The following PRKAG2 variants were observed in gnomAD, a reference collection of about 807,000 sequenced individuals.
PRKAG2 encodes the protein protein kinase AMP-activated non-catalytic subunit gamma 2.
Under a neutral mutation model 69.6 loss-of-function variants are expected in PRKAG2, and 26 were observed. The observed-to-expected ratio is 0.37, with a 90% CI of 0.27 to 0.52. The LOEUF (loss-of-function observed/expected upper bound fraction) is 0.52, where lower values mean the gene tolerates loss of function less well. PRKAG2 is among the 20% of genes least tolerant of loss of function. The probability of loss-of-function intolerance (pLI) is 0.90; values close to 1 mark genes in which losing one functional copy is unlikely to be tolerated. For synonymous variants in PRKAG2, 293 were observed against 285.0 expected (o/e 1.03, Z -0.28); for missense variants, 557 against 740.0 (o/e 0.75, Z 2.87).
intron 3 of PRKAG2, among the ~76,000 whole-genome samples, chr7:151,716,780 G>A (rs1351581539): frequency 6.6e-6 from 1 of 152,210 alleles, no homozygotes; most frequent in African/African-American, 2.4e-5. Flanking sequence ...ACAGAGCCCT[G>A]CAGAAAGCAC....
chr7:151,605,365 G>A (rs939883673), intron 5 of PRKAG2, among the ~76,000 whole-genome samples: 2 of 151,756 alleles, frequency 1.3e-5, no homozygotes, highest in Non-Finnish European at 2.9e-5. Context: ...CTCTTTGAAT[G>A]TGTAAAACCA....
intron 1 of PRKAG2, among the ~76,000 whole-genome samples, chr7:151,872,983 T>C (rs1337470936): frequency 6.6e-6 from 1 of 152,250 alleles, no homozygotes; most frequent in African/African-American, 2.4e-5. Flanking sequence ...ACATCAACAA[T>C]GGATACTTTT....
Position 151,778,414 on chromosome 7 carries a change from G to A in PRKAG2, c.466+2738C>T, listed in dbSNP as rs369854770. ...CTGGCACCATGCCTCTGTGCAGCCTGCAGAACCATGAGCCAAATAAACCTC... is the reference window on the plus strand; with the variant it reads ...CTGGCACCATGCCTCTGTGCAGCCTACAGAACCATGAGCCAAATAAACCTC... On this transcript the variant is annotated intron_variant, in intron 3 of 15. Transcript: ENST00000287878. Among the ~76,000 whole-genome samples the A allele has an allele frequency of 1.1e-4, 17 of 152,294 alleles. 1 individual carries two copies. The South Asian group carries it at 3.3e-3, about 30-fold the overall frequency.
chr7:151,558,783 C>T, intron 15 of PRKAG2: 1 of 985,394 alleles, frequency 1.0e-6, no homozygotes, highest in Non-Finnish European at 1.2e-6. Context: ...TTCCTCTCTG[C>T]ACCAGCAGTG....
At position 151,876,992 on chromosome 7, in the gene PRKAG2, T is replaced by G; in HGVS notation, c.-372A>C. 2.9e-6 allele frequency: 1 copy of G among 350,240 alleles called. No individual in the cohort carries two copies. The allele number at this position is 350,240 out of a possible 1,614,324, so 21.7% of individuals were successfully genotyped here. A position where few individuals can be genotyped will look rare whatever the true frequency, so the allele number is the denominator to read the frequency against. ...TCCTCCCACAGATTCCCAGAGGTAA[T>G]CTGAAAGGCAGGTGCAATTAAAACC... On this transcript the variant is annotated 5_prime_UTR_variant, in exon 1 of 16. Transcript: ENST00000287878.
chr7:151,630,585 ATAAG>A (rs1824169720), intron 5 of PRKAG2, among the ~76,000 whole-genome samples: 1 of 152,174 alleles, frequency 6.6e-6, no homozygotes, highest in African/African-American at 2.4e-5. Context: ...ACACAGCTAA[ATAAG>A]TAGTAGCGAT....
At chr7:151,813,475 C>T (rs1051967334) in intron 1 of PRKAG2, among the ~76,000 whole-genome samples, 1 of 138,918 alleles carries the variant, frequency 7.2e-6, no homozygotes, top group South Asian at 2.5e-4. Context: ...CTCTGGCTTA[C>T]GGAAGGCGAT....
rs1364642344 is a variant in PRKAG2, at chr7:151,835,074, G to A, written c.114+41433C>T. On this transcript the variant is annotated intron_variant, in intron 1 of 15. Coordinates refer to ENST00000287878, the MANE Select transcript of PRKAG2 (RefSeq NM_016203.4). The surrounding 1 kb of genome is among the most constrained non-coding windows in gnomAD (Gnocchi z 4.1). ...TGGAAAAGGGCCAGCCTGCTCCAAT[G>A]TGGCCTCATCAAAACTCATCACATC... is the stretch of plus-strand genomic sequence containing the variant. 2.0e-5 allele frequency among the ~76,000 whole-genome samples: 3 copies of A among 152,212 alleles called. No individual in the cohort carries two copies. Among genetic ancestry groups the A allele is most frequent in the Admixed American group, 2.0e-4 (3 of 15,290 alleles).
chr7:151,811,806 A>G lies in PRKAG2; in HGVS notation c.115-25265T>C, dbSNP rs533857744. 1.4e-4 allele frequency among the ~76,000 whole-genome samples: 22 copies of G among 152,328 alleles called. No individual in the cohort carries two copies. In the South Asian group the frequency reaches 4.6e-3, roughly 32 times the overall value. ...CCTGCTACGTCACCAGCCCCCAACA[A>G]GAGCTAAAGGTAGGTTTTCACTACC... is the stretch of plus-strand genomic sequence containing the variant. On this transcript the variant is annotated intron_variant, in intron 1 of 15. Transcript: ENST00000287878.
chr7:151,842,139 G>A (rs1169405997), intron 1 of PRKAG2, among the ~76,000 whole-genome samples: 3 of 147,074 alleles, frequency 2.0e-5, no homozygotes, highest in Admixed American at 6.9e-5. Context: ...GGTAGTGATG[G>A]TAGGTGGGGA....
chr7:151,789,446 C>G (rs905228352), intron 1 of PRKAG2, among the ~76,000 whole-genome samples: 4 of 152,222 alleles, frequency 2.6e-5, no homozygotes, highest in African/African-American at 9.6e-5. Flanking sequence ...CCAGTTCCCT[C>G]TTGGGCCACC....
At chr7:151,797,482 T>C (rs1027063089) in intron 1 of PRKAG2, among the ~76,000 whole-genome samples, 1 of 152,150 alleles carries the variant, frequency 6.6e-6, no homozygotes, top group African/African-American at 2.4e-5. Context: ...CCCAAACAGC[T>C]ACCCAAGATG....
rs575622784 is a variant in PRKAG2 at position 151,846,408 on chromosome 7, C to T, written c.114+30099G>A. Among the ~76,000 whole-genome samples the T allele has an allele frequency of 7.2e-5, 11 of 152,196 alleles. No homozygotes were observed. In the South Asian group the frequency reaches 8.3e-4, roughly 11 times the overall value. On this transcript the variant is annotated intron_variant, in intron 1 of 15. Coordinates refer to ENST00000287878, the MANE Select transcript of PRKAG2 (RefSeq NM_016203.4). ...ACTTGAAACCGGTAGGCAGAGGTTG[C>T]GGTGAGCCAAGATCGCACCACTGCA...
At chr7:151,757,417 G>A (rs535523287) in intron 3 of PRKAG2, among the ~76,000 whole-genome samples, 1 of 152,318 alleles carries the variant, frequency 6.6e-6, no homozygotes, top group Non-Finnish European at 1.5e-5. Flanking sequence ...CAGATCCTCT[G>A]AAAAAGATCC....
chr7:151,816,806 T>C (rs1185071349), intron 1 of PRKAG2, among the ~76,000 whole-genome samples: 1 of 152,228 alleles, frequency 6.6e-6, no homozygotes, highest in Non-Finnish European at 1.5e-5. Flanking sequence ...TGTTTTATTT[T>C]CTGTGTGCTT....
intron 4 of PRKAG2, among the ~76,000 whole-genome samples, chr7:151,646,191 T>G (rs1322939049): frequency 1.3e-5 from 2 of 152,220 alleles, no homozygotes; most frequent in Admixed American, 6.5e-5. Context: ...AAGTTCCTTA[T>G]GTTTCTATAT....
intron 6 of PRKAG2, among the ~76,000 whole-genome samples, chr7:151,586,906 T>C (rs2538038): frequency 6.6e-6 from 1 of 152,100 alleles, no homozygotes; most frequent in African/African-American, 2.4e-5. Context: ...CTCTGCATTC[T>C]GTATTCTCTA....
chr7:151,755,665 C>T (rs2075033404), intron 3 of PRKAG2, among the ~76,000 whole-genome samples: 1 of 152,226 alleles, frequency 6.6e-6, no homozygotes, highest in African/African-American at 2.4e-5. Context: ...TATACTTTGT[C>T]TATGGCTTCG....
intron 9 of PRKAG2, among the ~76,000 whole-genome samples, chr7:151,571,779 A>C (rs1027247198): frequency 2.0e-5 from 3 of 152,210 alleles, no homozygotes; most frequent in Admixed American, 6.5e-5. Context: ...ATGGATTTGA[A>C]AGGGCCCCTG....
Sources: allele counts gnomAD v4.1 joint callset (sites outside exome capture counted in the v4.1 genomes callset), GRCh38; gene constraint gnomAD v4.1.1; non-coding constraint Gnocchi (gnomAD v3.1); transcripts MANE v1.5; gene names NCBI Gene and HGNC (gene_info 2026-07-23, HGNC 2026-07-21).